USP34: variants seen among roughly 807,000 people sequenced by gnomAD.
USP34 encodes ubiquitin specific peptidase 34, also known as ubiquitin carboxyl-terminal hydrolase 34.
In USP34, 70 loss-of-function variants were observed where a neutral mutation model predicts 460.3. The observed-to-expected ratio is 0.15, with a 90% CI of 0.13 to 0.19. The LOEUF is 0.19. Among genes scored for constraint, USP34 ranks in the 10% least tolerant of loss-of-function variants. The pLI is 1.00. For synonymous variants in USP34, 1,647 were observed against 1,405.3 expected (o/e 1.17, Z -3.85); for missense variants, 3,985 against 4,236.2 (o/e 0.94, Z 1.65).
intron 44 of USP34, among the ~76,000 whole-genome samples, chr2:61,258,188 T>C (rs1688772623): frequency 6.6e-6 from 1 of 151,964 alleles, no homozygotes; most frequent in South Asian, 2.1e-4. Flanking sequence ...ACTCTGTCTC[T>C]ACAAAAAATA....
chr2:61,240,964 A>G (rs1363175328), intron 53 of USP34, among the ~76,000 whole-genome samples: 2 of 152,146 alleles, frequency 1.3e-5, no homozygotes. Context: ...ACACTTACAA[A>G]CCCATCATCC....
At chr2:61,233,734 AG>A (rs1206968261) in intron 57 of USP34, among the ~76,000 whole-genome samples, 1 of 151,896 alleles carries the variant, frequency 6.6e-6, no homozygotes, top group Non-Finnish European at 1.5e-5. Flanking sequence ...CTGAGGGAGG[AG>A]GCTGAGGCAG....
At chr2:61,420,660 C>A in intron 2 of USP34, 86 bp downstream of exon 2, 1 of 900,454 alleles carries the variant, frequency 1.1e-6, no homozygotes. Context: ...TAACCCAACA[C>A]CCTAAAAAGA....
chr2:61,295,323 C>G, intron 30 of USP34, 33 bp from the exon 31 acceptor site: 1 of 1,564,820 alleles, frequency 6.4e-7, no homozygotes. Context: ...CTCAAGCCAA[C>G]TTACTCAGGG....
At chr2:61,402,532 A>G (rs1445703278) in intron 3 of USP34, among the ~76,000 whole-genome samples, 1 of 152,228 alleles carries the variant, frequency 6.6e-6, no homozygotes, top group East Asian at 1.9e-4. Flanking sequence ...CAATATGCCC[A>G]ATCAAATCTT....
chr2:61,417,240 A>C, intron 2 of USP34: 1 of 1,378,228 alleles, frequency 7.3e-7, no homozygotes, highest in Non-Finnish European at 1.0e-6. Context: ...CATACATCTG[A>C]AAGGCCTGTC....
At chr2:61,197,815 A>C (rs778060653) in intron 75 of USP34, among the ~76,000 whole-genome samples, 7 of 152,222 alleles carry the variant, frequency 4.6e-5, no homozygotes, top group Non-Finnish European at 8.8e-5. Context: ...GCTGGAGTGC[A>C]GTGGCTCCAT....
At chr2:61,227,361 G>T in intron 61 of USP34, 143 bp from the exon 62 acceptor site, 1 of 865,672 alleles carries the variant, frequency 1.2e-6, no homozygotes, top group Non-Finnish European at 1.8e-6. Flanking sequence ...TAAACCTAAT[G>T]TAAAACACTC....
chr2:61,253,178 T>C (rs1688632123), intron 48 of USP34, among the ~76,000 whole-genome samples: 1 of 152,194 alleles, frequency 6.6e-6, no homozygotes, highest in Non-Finnish European at 1.5e-5. Flanking sequence ...TATAAAAGTA[T>C]AGTAAGAACA....
chr2:61,382,368 T>C (rs1168844953), intron 6 of USP34, among the ~76,000 whole-genome samples: 2 of 152,212 alleles, frequency 1.3e-5, no homozygotes, highest in African/African-American at 4.8e-5. Context: ...ACCAATCTGC[T>C]TCTAGTTTGT....
intron 29 of USP34, 107 bp from the exon 30 acceptor site, chr2:61,297,032 CCTCA>C: frequency 1.4e-6 from 2 of 1,415,228 alleles, no homozygotes; most frequent in East Asian, 2.4e-5. Flanking sequence ...TAGTTTTTAG[CCTCA>C]CTTTTTGAAA....
intron 3 of USP34, among the ~76,000 whole-genome samples, chr2:61,403,036 TACGAAAAGAAAATTAAA>T (rs1488893096): frequency 1.3e-5 from 2 of 152,014 alleles, no homozygotes; most frequent in Non-Finnish European, 2.9e-5. Flanking sequence ...AAACAACTAT[TACGAAAAGAAAATTAAA>T]GAGGCACATA....
chr2:61,359,018 G>GATA (rs1211921207), intron 10 of USP34, among the ~76,000 whole-genome samples: 1 of 152,062 alleles, frequency 6.6e-6, no homozygotes, highest in Non-Finnish European at 1.5e-5. Context: ...ATTTTGTTAA[G>GATA]ATATTAATAC....
chr2:61,226,254 C>T (rs1687722863), intron 62 of USP34, among the ~76,000 whole-genome samples: 1 of 152,170 alleles, frequency 6.6e-6, no homozygotes, highest in African/African-American at 2.4e-5. Flanking sequence ...AAATTGTTGC[C>T]TTGTTTGACC....
chr2:61,350,131 T>A (rs1691903093), intron 12 of USP34, 129 bp downstream of exon 12: 3 of 969,690 alleles, frequency 3.1e-6, no homozygotes, highest in Non-Finnish European at 4.4e-6. Flanking sequence ...AATCCTTTTA[T>A]ATGCACTCTT....
chr2:61,299,640 A>G (rs1690157708), intron 29 of USP34, among the ~76,000 whole-genome samples: 1 of 151,918 alleles, frequency 6.6e-6, no homozygotes, highest in Non-Finnish European at 1.5e-5. Flanking sequence ...AGTTCCACCT[A>G]TTCAGGACGC....
intron 10 of USP34, among the ~76,000 whole-genome samples, chr2:61,362,154 G>C (rs1692295115): frequency 6.6e-6 from 1 of 152,040 alleles, no homozygotes; most frequent in Non-Finnish European, 1.5e-5. Flanking sequence ...AAAGACAAAA[G>C]ATAAATGTTA....
intron 53 of USP34, among the ~76,000 whole-genome samples, chr2:61,236,777 A>C (rs184769640): frequency 1.3e-4 from 20 of 152,320 alleles, no homozygotes; most frequent in Admixed American, 1.0e-3. Context: ...TAGCAGACCT[A>C]AATCAGACGT....
At chr2:61,197,326 A>T (rs1486510608) in intron 75 of USP34, among the ~76,000 whole-genome samples, 1 of 152,158 alleles carries the variant, frequency 6.6e-6, no homozygotes, top group East Asian at 1.9e-4. Context: ...TCAGATCATT[A>T]TATTAAATTT....
Sources: gnomAD v4.1 joint callset for allele counts (sites outside exome capture counted in the v4.1 genomes callset) on GRCh38, gnomAD v4.1.1 for gene constraint, MANE v1.5 for transcripts, NCBI Gene and HGNC (gene_info 2026-07-23, HGNC 2026-07-21) for gene names.